The following RNGTT variants were observed in gnomAD, a reference collection of about 807,000 sequenced individuals.
RNGTT encodes the protein RNA guanylyltransferase and 5'-phosphatase, also known as mRNA-capping enzyme.
In RNGTT, 33 loss-of-function variants were observed where a neutral mutation model predicts 79.3. The observed-to-expected ratio is 0.42, with a 90% CI of 0.32 to 0.56. The LOEUF is 0.56. RNGTT is among the 20% of genes least tolerant of loss of function. The probability of loss-of-function intolerance (pLI) is 0.17; values close to 1 mark genes in which losing one functional copy is unlikely to be tolerated. For missense variants in RNGTT, 497 were observed against 739.1 expected (o/e 0.67, Z 3.80); for synonymous variants, 222 against 235.9 (o/e 0.94, Z 0.54).
chr6:88,848,351 C>T (rs1349043960), intron 10 of RNGTT, among the ~76,000 whole-genome samples: 1 of 151,990 alleles, frequency 6.6e-6, no homozygotes, highest in African/African-American at 2.4e-5. Flanking sequence ...CAGGTAATTA[C>T]ATTCCAAGAA....
Position 88,941,154 on chromosome 6 carries a change from A to G in RNGTT, c.91T>C (p.Leu31=). The G allele has an allele frequency of 6.2e-7, 1 of 1,612,042 alleles. No individual in the cohort carries two copies. Among genetic ancestry groups the G allele is most frequent in the Non-Finnish European group, 8.5e-7 (1 of 1,178,328 alleles). The part of the protein sequence containing the change: ...AGRFLPLKTM[L]GPRYDSQVAE... ...ACTTGACTATCATATCTTGGTCCTA[A>G]CATTGTCTTCAGAGGTAAGAATCTT... Residue 31 remains leucine, a synonymous_variant, in exon 2 of 16, where the codon TTA becomes CTA. Coordinates refer to ENST00000369485, the MANE Select transcript of RNGTT (RefSeq NM_003800.5).
chr6:88,648,569 T>A (rs949147614), intron 14 of RNGTT, among the ~76,000 whole-genome samples: 1 of 152,156 alleles, frequency 6.6e-6, no homozygotes, highest in Admixed American at 6.5e-5. Flanking sequence ...TACCCAACTA[T>A]GCCTCTTGTA....
intron 11 of RNGTT, among the ~76,000 whole-genome samples, chr6:88,834,185 C>T (rs958028561): frequency 1.4e-4 from 21 of 152,026 alleles, no homozygotes; most frequent in Admixed American, 1.1e-3. Context: ...AGAAATATTT[C>T]AAATATATAT....
intron 8 of RNGTT, among the ~76,000 whole-genome samples, chr6:88,878,413 A>G (rs1256249698): frequency 6.6e-6 from 1 of 152,076 alleles, no homozygotes; most frequent in Non-Finnish European, 1.5e-5. Flanking sequence ...TAATTATAAA[A>G]GCCCAAGTAC....
chr6:88,854,649 T>C (rs992000093), intron 8 of RNGTT, among the ~76,000 whole-genome samples: 3 of 152,212 alleles, frequency 2.0e-5, no homozygotes, highest in Non-Finnish European at 4.4e-5. Flanking sequence ...TAACTTTTCT[T>C]CTCATTTATG....
chr6:88,738,329 G>A (rs1777352698), intron 13 of RNGTT, among the ~76,000 whole-genome samples: 1 of 152,160 alleles, frequency 6.6e-6, no homozygotes, highest in Admixed American at 6.5e-5. Flanking sequence ...ACCCTAAGGA[G>A]ATATGACAAC....
intron 13 of RNGTT, among the ~76,000 whole-genome samples, chr6:88,709,473 T>C (rs1368381763): frequency 6.6e-6 from 1 of 152,194 alleles, no homozygotes; most frequent in Non-Finnish European, 1.5e-5. Flanking sequence ...TTATCCAATA[T>C]ATAATTGTAT....
At chr6:88,860,820 A>C (rs1232054980) in intron 8 of RNGTT, among the ~76,000 whole-genome samples, 1 of 145,914 alleles carries the variant, frequency 6.9e-6, no homozygotes, top group South Asian at 2.2e-4. Flanking sequence ...TTTTTTTTTT[A>C]ACTTAAAAAA....
At chr6:88,642,472 C>A (rs1483194139) in intron 14 of RNGTT, among the ~76,000 whole-genome samples, 18 of 152,166 alleles carry the variant, frequency 1.2e-4, no homozygotes, top group Admixed American at 1.2e-3. Flanking sequence ...TGTTGGATAA[C>A]TGAAGTAAGT....
At chr6:88,962,370 G>T (rs544199122) in intron 1 of RNGTT, among the ~76,000 whole-genome samples, 1 of 152,062 alleles carries the variant, frequency 6.6e-6, no homozygotes, top group Non-Finnish European at 1.5e-5. Flanking sequence ...GGTGGCTCTC[G>T]CCTATAATCC....
chr6:88,834,752 GAACA>G (rs1213657638), intron 11 of RNGTT, among the ~76,000 whole-genome samples: 1 of 151,892 alleles, frequency 6.6e-6, no homozygotes. Flanking sequence ...TACTAGTCTT[GAACA>G]GACACTTAAG....
chr6:88,823,750 T>C (rs1293386604), intron 11 of RNGTT, among the ~76,000 whole-genome samples: 3 of 152,158 alleles, frequency 2.0e-5, no homozygotes, highest in African/African-American at 7.2e-5. Flanking sequence ...AATAAAATTC[T>C]TTCAACTTTT....
chr6:88,912,354 A>G (rs1162930073), intron 4 of RNGTT, among the ~76,000 whole-genome samples: 3 of 152,170 alleles, frequency 2.0e-5, no homozygotes, highest in Non-Finnish European at 4.4e-5. Context: ...GGCTGCTGTG[A>G]GCTATGATCG....
chr6:88,731,055 C>A (rs1392448924), intron 13 of RNGTT, among the ~76,000 whole-genome samples: 2 of 151,978 alleles, frequency 1.3e-5, no homozygotes, highest in African/African-American at 4.8e-5. Context: ...TACCACTACA[C>A]CAAAAGGGCT....
At chr6:88,822,524 C>G (rs1055005050) in intron 11 of RNGTT, among the ~76,000 whole-genome samples, 2 of 152,164 alleles carry the variant, frequency 1.3e-5, no homozygotes, top group Admixed American at 1.3e-4. Context: ...GAACAATTCA[C>G]TACAGTGTAA....
chr6:88,951,511 C>A (rs1202572439), intron 1 of RNGTT, among the ~76,000 whole-genome samples: 3 of 152,166 alleles, frequency 2.0e-5, no homozygotes, highest in African/African-American at 7.2e-5. Context: ...ATTTCAAGAA[C>A]TTGCCACAGC....
chr6:88,791,835 G>A (rs965515282), intron 12 of RNGTT, among the ~76,000 whole-genome samples: 9 of 152,108 alleles, frequency 5.9e-5, no homozygotes, highest in East Asian at 1.9e-4. Flanking sequence ...CACCATGCTC[G>A]GCCCAGGATT....
rs1468302384 is a variant in RNGTT, at chr6:88,694,491, GAATT to G, written c.1440-16076_1440-16073del. Among the ~76,000 whole-genome samples the G allele has an allele frequency of 9.9e-4, 148 of 150,164 alleles. 1 individual carries two copies. The highest frequency in any genetic ancestry group is 1.5e-3 in the South Asian group (7 of 4,630). On this transcript the variant is annotated intron_variant, in intron 13 of 15. Coordinates refer to ENST00000369485, the MANE Select transcript of RNGTT (RefSeq NM_003800.5). The stretch of plus-strand genomic sequence containing the variant: ...GATACTCCTTGTTCATGGATTAGAA[GAATT>G]AATATTGTTAAAAAGTCCATACTAC...
At chr6:88,853,798 A>G (rs1328068846) in intron 8 of RNGTT, 34 bp from the exon 9 acceptor site, 1 of 1,367,708 alleles carries the variant, frequency 7.3e-7, no homozygotes, top group Non-Finnish European at 1.0e-6. Context: ...TAATATTTAC[A>G]GTATAATATC....
Sources: gnomAD v4.1 joint callset for allele counts (sites outside exome capture counted in the v4.1 genomes callset) on GRCh38, gnomAD v4.1.1 for gene constraint, MANE v1.5 for transcripts, NCBI Gene and HGNC (gene_info 2026-07-23, HGNC 2026-07-21) for gene names.